Variants in SNX6 observed in about 807,000 individuals in gnomAD.
SNX6 encodes the protein sorting nexin 6, also known as sorting nexin-6.
SNX6 carries 34 observed loss-of-function variants against 63.0 expected under a neutral mutation model. That is an observed-to-expected ratio of 0.54 (90% CI 0.41 to 0.72). SNX6 has a LOEUF of 0.72. SNX6 is among the 30% of genes least tolerant of loss of function. The probability of loss-of-function intolerance (pLI) is 0.00; values close to 1 mark genes in which losing one functional copy is unlikely to be tolerated. For missense variants in SNX6, 398 were observed against 471.4 expected (o/e 0.84, Z 1.44); for synonymous variants, 170 against 164.2 (o/e 1.04, Z -0.27).
intron 2 of SNX6, 89 bp downstream of exon 2, chr14:34,629,818 C>G: frequency 6.5e-7 from 1 of 1,529,098 alleles, no homozygotes; most frequent in Non-Finnish European, 8.8e-7. Context: ...TGCCGCGCGG[C>G]TGGGGACCCA....
At chr14:34,593,266 G>A in intron 7 of SNX6, 116 bp from the exon 8 acceptor site, 1 of 623,226 alleles carries the variant, frequency 1.6e-6, no homozygotes, top group Non-Finnish European at 2.7e-6. Context: ...CCTATCCTCA[G>A]TCAGATGTTA....
At chr14:34,610,981 G>A in intron 2 of SNX6, among the ~76,000 whole-genome samples, 1 of 151,748 alleles carries the variant, frequency 6.6e-6, no homozygotes, top group South Asian at 2.1e-4. Flanking sequence ...ATATATACGT[G>A]TGTGTGTGTG....
At chr14:34,629,135 T>TCA (rs1883939432) in intron 2 of SNX6, among the ~76,000 whole-genome samples, 1 of 141,560 alleles carries the variant, frequency 7.1e-6, no homozygotes, top group Non-Finnish European at 1.6e-5. Flanking sequence ...TCAAATGTTC[T>TCA]CACACAAAAA....
intron 11 of SNX6, among the ~76,000 whole-genome samples, chr14:34,570,512 C>T (rs549063149): frequency 6.6e-6 from 1 of 151,660 alleles, no homozygotes; most frequent in Non-Finnish European, 1.5e-5. Flanking sequence ...ACCTCTGCTT[C>T]CCAGATTCAA....
chr14:34,621,491 C>G (rs1397925481), intron 2 of SNX6, among the ~76,000 whole-genome samples: 1 of 152,172 alleles, frequency 6.6e-6, no homozygotes, highest in Non-Finnish European at 1.5e-5. Context: ...ACTTATTAAA[C>G]AACTGAGTGC....
intron 7 of SNX6, among the ~76,000 whole-genome samples, chr14:34,593,963 G>T (rs531582287): frequency 6.6e-6 from 1 of 151,764 alleles, no homozygotes; most frequent in Non-Finnish European, 1.5e-5. Flanking sequence ...TGATCCGCGC[G>T]CCTCGGCCTC....
chr14:34,625,726 C>T (rs942886912), intron 2 of SNX6, among the ~76,000 whole-genome samples: 1 of 151,942 alleles, frequency 6.6e-6, no homozygotes, highest in Non-Finnish European at 1.5e-5. Context: ...GAGCGAGACC[C>T]TGTCTCAAAA....
At chr14:34,575,688 C>T in intron 11 of SNX6, 68 bp downstream of exon 11, 1 of 715,700 alleles carries the variant, frequency 1.4e-6, no homozygotes. Flanking sequence ...CATTAACAAT[C>T]TGAAGTCTAA....
chr14:34,608,153 A>G lies in SNX6; in HGVS notation c.160-13T>C, dbSNP rs141847426. The G allele has an allele frequency of 3.1e-5, 46 of 1,461,644 alleles. No homozygotes were observed. The African/African-American group carries it at 5.2e-4, about 17-fold the overall frequency. 90.5% of individuals were successfully genotyped at this position (1,461,644 alleles called of 1,614,324 possible). ...TTGGCAATGAACTCTGTAAAGATAG[A>G]GATTTTCTTGAATAAAAATCAAATT... On this transcript the variant is annotated splice_polypyrimidine_tract_variant and intron_variant, in intron 3 of 13. Transcript: ENST00000362031.
rs1384588928 is a variant in SNX6, at chr14:34,568,166, T to TG, written c.922-154dup. ...CCAATTTTTTTTTTTTTTTTTGAGGTGGAGTTTTGCTCTTGTGGCCCAGGC... is the reference window on the plus strand; with the variant it reads ...CCAATTTTTTTTTTTTTTTTTGAGGTGGGAGTTTTGCTCTTGTGGCCCAGGC... On this transcript the variant is annotated intron_variant, in intron 11 of 13. Coordinates refer to ENST00000362031, the MANE Select transcript of SNX6 (RefSeq NM_152233.4). Among the ~76,000 whole-genome samples the TG allele has an allele frequency of 9.5e-5, 14 of 147,366 alleles. No individual in the cohort carries two copies. In the Admixed American group the frequency reaches 9.6e-4, roughly 10 times the overall value.
chr14:34,602,425 T>TAA (rs36102476), intron 6 of SNX6, among the ~76,000 whole-genome samples: 2,697 of 138,610 alleles, frequency 0.019, 41 homozygotes, highest in Middle Eastern at 0.075. Context: ...GAAACTGTCT[T>TAA]AAAAAAAAAA....
intron 11 of SNX6, among the ~76,000 whole-genome samples, chr14:34,569,551 T>C (rs1881347298): frequency 6.6e-6 from 1 of 152,044 alleles, no homozygotes; most frequent in South Asian, 2.1e-4. Context: ...CTCAGCCTCC[T>C]GAGTAGCTGG....
chr14:34,616,137 G>A (rs1883411198), intron 2 of SNX6, among the ~76,000 whole-genome samples: 1 of 151,844 alleles, frequency 6.6e-6, no homozygotes. Flanking sequence ...TGTATTTTTA[G>A]TAGAGAGGGG....
chr14:34,592,521 GA>G (rs1882437367), intron 8 of SNX6, among the ~76,000 whole-genome samples: 1 of 152,158 alleles, frequency 6.6e-6, no homozygotes, highest in Admixed American at 6.6e-5. Flanking sequence ...TCAACATGGT[GA>G]AAAAGGCAAA....
intron 5 of SNX6, among the ~76,000 whole-genome samples, chr14:34,605,052 A>G (rs762780856): frequency 6.6e-6 from 1 of 151,736 alleles, no homozygotes; most frequent in Non-Finnish European, 1.5e-5. Context: ...CATATATACT[A>G]GAAATGTATT....
At position 34,619,040 on chromosome 14, in the gene SNX6, GGAAA is replaced by G. The variant is rs1170395828; in HGVS notation, c.55-9302_55-9299del. Among the ~76,000 whole-genome samples, 6 of 152,134 alleles carry G rather than the reference GGAAA, an allele frequency of 3.9e-5. No individual in the cohort carries two copies. In the East Asian group the frequency reaches 7.7e-4, roughly 19 times the overall value. ...TTTGTGGAATGTAAAGGAGGGAAGAGGAAAGAAAGAAAGGTGGTAACCACAACTG... is the reference window on the plus strand; with the variant it reads ...TTTGTGGAATGTAAAGGAGGGAAGAGGAAAGAAAGGTGGTAACCACAACTG... On this transcript the variant is annotated intron_variant, in intron 2 of 13. Coordinates refer to ENST00000362031, the MANE Select transcript of SNX6 (RefSeq NM_152233.4).
At chr14:34,578,430 G>A (rs1253871180) in intron 10 of SNX6, among the ~76,000 whole-genome samples, 2 of 151,652 alleles carry the variant, frequency 1.3e-5, no homozygotes, top group East Asian at 1.9e-4. Flanking sequence ...TCAGGAGTTC[G>A]AGGCCAGCCT....
intron 2 of SNX6, among the ~76,000 whole-genome samples, chr14:34,618,366 G>GC (rs1018844967): frequency 1.3e-5 from 2 of 151,716 alleles, no homozygotes; most frequent in African/African-American, 4.9e-5. Flanking sequence ...TTTTGGGGAG[G>GC]GGGGGATGGA....
intron 6 of SNX6, among the ~76,000 whole-genome samples, chr14:34,598,548 T>C (rs945934268): frequency 6.6e-6 from 1 of 152,176 alleles, no homozygotes; most frequent in South Asian, 2.1e-4. Context: ...TGTACCATCA[T>C]GCCCAACTAT....
Sources: gnomAD v4.1 joint callset for allele counts (sites outside exome capture counted in the v4.1 genomes callset) on GRCh38, gnomAD v4.1.1 for gene constraint, MANE v1.5 for transcripts, NCBI Gene and HGNC (gene_info 2026-07-23, HGNC 2026-07-21) for gene names.